Variants in PPP1R12A observed in about 807,000 individuals in gnomAD.
The protein encoded by PPP1R12A is myosin binding subunit.
A neutral mutation model predicts 139.6 loss-of-function variants in PPP1R12A; 19 were observed. That is an observed-to-expected ratio of 0.14 (90% confidence interval 0.09 to 0.20). The LOEUF is 0.20. Among genes scored for constraint, PPP1R12A ranks in the 10% least tolerant of loss-of-function variants. PPP1R12A has a pLI of 1.00. For missense variants in PPP1R12A, 925 were observed against 1,211.5 expected (o/e 0.76, Z 3.51); for synonymous variants, 427 against 420.6 (o/e 1.02, Z -0.19).
chr12:79,798,013 G>C (rs997589271), intron 15 of PPP1R12A, among the ~76,000 whole-genome samples: 4 of 152,044 alleles, frequency 2.6e-5, no homozygotes, highest in African/African-American at 9.7e-5. Context: ...TAAGGAGATC[G>C]CCAGCCTGAA....
At chr12:79,843,435 A>T (rs2137201808) in intron 3 of PPP1R12A, among the ~76,000 whole-genome samples, 1 of 151,688 alleles carries the variant, frequency 6.6e-6, no homozygotes, top group Non-Finnish European at 1.5e-5. Flanking sequence ...AATATTAGCC[A>T]GGCACGGTGG....
rs1592597845 is a variant in PPP1R12A, at chr12:79,778,710, G to C, written c.2956-110C>G. ...AGAATTAAAGGTCCAATCAGGAGCA[G>C]TGTAGAAAAGATGTGATGCCAGTGA... is the stretch of plus-strand genomic sequence containing the variant. On this transcript the variant is annotated intron_variant, in intron 23 of 24. Transcript: ENST00000450142. 5.8e-6 allele frequency: 4 copies of C among 688,802 alleles called. No individual in the cohort carries two copies. In the South Asian group the frequency reaches 1.3e-4, roughly 22 times the overall value. 42.7% of individuals were successfully genotyped at this position (688,802 alleles called of 1,614,324 possible).
intron 10 of PPP1R12A, among the ~76,000 whole-genome samples, chr12:79,809,054 G>C (rs952538436): frequency 2.6e-5 from 4 of 152,062 alleles, no homozygotes; most frequent in African/African-American, 9.7e-5. Context: ...ATATGGCTAA[G>C]AGTGTGTAGT....
At chr12:79,786,593 A>C (rs1321041076) in intron 21 of PPP1R12A, 115 bp from the exon 22 acceptor site, 1 of 602,368 alleles carries the variant, frequency 1.7e-6, no homozygotes, top group Non-Finnish European at 2.7e-6. Context: ...TGAGCTATAA[A>C]GGATACATTT....
intron 1 of PPP1R12A, among the ~76,000 whole-genome samples, chr12:79,911,803 G>A (rs2136914477): frequency 6.6e-6 from 1 of 152,016 alleles, no homozygotes; most frequent in East Asian, 1.9e-4. Flanking sequence ...CTGGCCTCCA[G>A]GCACAACTCT....
chr12:79,845,828 G>C (rs1879312728), intron 2 of PPP1R12A, among the ~76,000 whole-genome samples: 1 of 152,160 alleles, frequency 6.6e-6, no homozygotes, highest in African/African-American at 2.4e-5. Context: ...TCTAGAGCAT[G>C]TTTCTTTTTT....
In PPP1R12A at chr12:79,807,207, T is replaced by C; in HGVS notation, c.1655+19A>G. 1 of 1,399,090 alleles carries C rather than the reference T, an allele frequency of 7.1e-7. No individual in the cohort carries two copies. Among genetic ancestry groups the C allele is most frequent in the Non-Finnish European group, 9.7e-7 (1 of 1,027,894 alleles). 86.7% of individuals were successfully genotyped at this position (1,399,090 alleles called of 1,614,324 possible). Reference sequence around the variant, plus strand: ...TTATAAATGAATACATAAAAACCGCTTAAGAATAGTATTATTACCTTTTAT... The same window carrying C: ...TTATAAATGAATACATAAAAACCGCCTAAGAATAGTATTATTACCTTTTAT... On this transcript the variant is annotated intron_variant, in intron 12 of 24. Coordinates refer to ENST00000450142, the MANE Select transcript of PPP1R12A (RefSeq NM_002480.3).
chr12:79,858,049 C>G (rs1880889995), intron 2 of PPP1R12A, among the ~76,000 whole-genome samples: 1 of 152,156 alleles, frequency 6.6e-6, no homozygotes, highest in Admixed American at 6.6e-5. Context: ...CTTAATTTCT[C>G]TAAGACTTCT....
chr12:79,785,252 T>C (rs576872384), intron 22 of PPP1R12A, among the ~76,000 whole-genome samples: 1 of 152,330 alleles, frequency 6.6e-6, no homozygotes, highest in South Asian at 2.1e-4. Context: ...CTGTTTATCT[T>C]TACAAAAACC....
chr12:79,781,828 TCCA>T lies in PPP1R12A; in HGVS notation c.2939_2941del (p.Leu980_Glu981delinsTer). 6.5e-7 allele frequency: 1 copy of T among 1,539,300 alleles called. No homozygotes were observed. ...TGGGACACTTACCCTTTTTTCCATT[TCCA>T]ACAGTGATCTATCAGCAAATCTTTC... On this transcript the variant is annotated stop_gained and inframe_deletion, in exon 23 of 25. Coordinates refer to ENST00000450142, the MANE Select transcript of PPP1R12A (RefSeq NM_002480.3). LOFTEE classifies it high-confidence loss of function.
intron 3 of PPP1R12A, among the ~76,000 whole-genome samples, chr12:79,840,588 T>C (rs1487253179): frequency 6.6e-6 from 1 of 152,198 alleles, no homozygotes; most frequent in Non-Finnish European, 1.5e-5. Context: ...CTTCTTCAAC[T>C]GGAAACTTTA....
chr12:79,872,794 C>G lies in PPP1R12A; in HGVS notation c.368+14G>C. The G allele has an allele frequency of 4.3e-6, 7 of 1,611,800 alleles. No homozygotes were observed. The highest frequency in any genetic ancestry group is 5.9e-6 in the Non-Finnish European group (7 of 1,178,964). ...ACAGTATTAGAATAAAATGAAAACA[C>G]AGAACTGGCTTACTCTGCAATATCA... On this transcript the variant is annotated intron_variant, in intron 2 of 24. Coordinates refer to ENST00000450142, the MANE Select transcript of PPP1R12A (RefSeq NM_002480.3).
At chr12:79,843,161 CATTTT>C (rs1363405747) in intron 3 of PPP1R12A, among the ~76,000 whole-genome samples, 1 of 152,108 alleles carries the variant, frequency 6.6e-6, no homozygotes, top group Non-Finnish European at 1.5e-5. Flanking sequence ...ATATATTTCA[CATTTT>C]ATTTATTCAT....
At chr12:79,865,920 C>T (rs1301680640) in intron 2 of PPP1R12A, among the ~76,000 whole-genome samples, 1 of 151,998 alleles carries the variant, frequency 6.6e-6, no homozygotes, top group Non-Finnish European at 1.5e-5. Context: ...TTCAATGCTA[C>T]CCCCATCAAG....
At chr12:79,824,561 TA>T (rs1876532280) in intron 5 of PPP1R12A, among the ~76,000 whole-genome samples, 1 of 152,130 alleles carries the variant, frequency 6.6e-6, no homozygotes, top group East Asian at 1.9e-4. Flanking sequence ...ACAATCAAAT[TA>T]GAGTAAAATG....
intron 1 of PPP1R12A, among the ~76,000 whole-genome samples, chr12:79,875,264 T>C (rs1422848461): frequency 3.3e-5 from 5 of 152,204 alleles, no homozygotes; most frequent in South Asian, 2.1e-4. Context: ...ATCATCATAT[T>C]GTCCCTCCTG....
intron 1 of PPP1R12A, among the ~76,000 whole-genome samples, chr12:79,932,748 T>C (rs147854816): frequency 5.8e-4 from 89 of 152,304 alleles, no homozygotes; most frequent in African/African-American, 2.0e-3. Context: ...GAAAAAAAGA[T>C]CTTAAGAAGG....
chr12:79,871,808 G>A (rs1468500393), intron 2 of PPP1R12A, among the ~76,000 whole-genome samples: 2 of 152,170 alleles, frequency 1.3e-5, no homozygotes, highest in Admixed American at 6.5e-5. Flanking sequence ...TAAAGAACTT[G>A]AGAATCACAA....
chr12:79,778,681 C>A, intron 23 of PPP1R12A, 81 bp from the exon 24 acceptor site: 1 of 941,310 alleles, frequency 1.1e-6, no homozygotes, highest in Non-Finnish European at 1.5e-6. Context: ...AATAGTGATA[C>A]TTCAGAATTA....
Sources: allele counts gnomAD v4.1 joint callset (sites outside exome capture counted in the v4.1 genomes callset), GRCh38; gene constraint gnomAD v4.1.1; transcripts MANE v1.5; gene names NCBI Gene and HGNC (gene_info 2026-07-23, HGNC 2026-07-21).